Variants in ERCC6L2 observed in about 807,000 individuals in gnomAD.
ERCC6L2 encodes ERCC excision repair 6 like 2, also known as DNA excision repair protein ERCC-6-like 2.
A neutral mutation model predicts 132.0 loss-of-function variants in ERCC6L2; 77 were observed. That is an observed-to-expected ratio of 0.58 (90% CI 0.49 to 0.71). ERCC6L2 has a LOEUF of 0.71. ERCC6L2 is among the 30% of genes least tolerant of loss of function. The pLI is 0.00. For synonymous variants in ERCC6L2, 583 were observed against 632.4 expected (o/e 0.92, Z 1.17); for missense variants, 1,542 against 1,837.6 (o/e 0.84, Z 2.94).
intron 17 of ERCC6L2, 113 bp from the exon 18 acceptor site, chr9:96,004,407 A>AAT: frequency 2.0e-6 from 1 of 502,660 alleles, no homozygotes; most frequent in Non-Finnish European, 3.3e-6. Context: ...TCAGTTGGAG[A>AAT]ATATGATTTA....
chr9:95,922,182 C>T (rs1829897116), intron 7 of ERCC6L2, 123 bp from the exon 8 acceptor site: 1 of 530,030 alleles, frequency 1.9e-6, no homozygotes, highest in Non-Finnish European at 3.3e-6. Context: ...CCATCATTTT[C>T]TTGGAATTTA....
At chr9:95,942,144 G>C (rs1830834033) in intron 12 of ERCC6L2, among the ~76,000 whole-genome samples, 3 of 152,078 alleles carry the variant, frequency 2.0e-5, no homozygotes, top group South Asian at 4.1e-4. Context: ...ACTGTAGAAA[G>C]CTTCCTAGAA....
At chr9:95,956,761 A>T (rs575179272) in intron 13 of ERCC6L2, among the ~76,000 whole-genome samples, 1 of 152,168 alleles carries the variant, frequency 6.6e-6, no homozygotes, top group African/African-American at 2.4e-5. Context: ...TGCCCCCATG[A>T]TTCAGTTACC....
At position 95,907,115 on chromosome 9, in the gene ERCC6L2, A is replaced by G; in HGVS notation, c.632A>G (p.Asn211Ser). The change falls in exon 4 of 19, where the codon AAC becomes AGC. Residue 211 changes from asparagine (N) to serine (S), a missense_variant. By Grantham distance (46) the Asn-to-Ser change is conservative (BLOSUM62 1). This residue lies in a region of ERCC6L2 where 945 missense variants were observed against 1,105.2 expected (regional missense o/e 0.86). Transcript: ENST00000653738. ...LIVAPLSVLY[N>S]WKDELDTWGY... Reference sequence around the variant, plus strand: ...GTTGCTCCTCTTTCTGTCCTCTACAACTGGAAGGATGAATTGGACACCTGG... The same window carrying G: ...GTTGCTCCTCTTTCTGTCCTCTACAGCTGGAAGGATGAATTGGACACCTGG... The G allele has an allele frequency of 1.2e-6, 2 of 1,612,838 alleles. No homozygotes were observed. Among genetic ancestry groups the G allele is most frequent in the Non-Finnish European group, 1.7e-6 (2 of 1,179,554 alleles).
chr9:95,880,041 G>C (rs541622056), intron 1 of ERCC6L2, among the ~76,000 whole-genome samples: 16 of 151,992 alleles, frequency 1.1e-4, no homozygotes, highest in Non-Finnish European at 2.2e-4. Context: ...ATATTTTCTG[G>C]GAAAATAAAA....
At chr9:96,004,793 C>A in intron 18 of ERCC6L2, 92 bp downstream of exon 18, 1 of 782,566 alleles carries the variant, frequency 1.3e-6, no homozygotes, top group Non-Finnish European at 1.8e-6. Flanking sequence ...GAATTATAAC[C>A]ATAACTGACA....
At chr9:95,937,751 G>A (rs1830619641) in intron 11 of ERCC6L2, among the ~76,000 whole-genome samples, 1 of 151,420 alleles carries the variant, frequency 6.6e-6, no homozygotes, top group African/African-American at 2.4e-5. Flanking sequence ...TGCTAGTTTA[G>A]CAACGAATCA....
Position 95,972,765 on chromosome 9 carries a change from G to T in ERCC6L2, c.3014G>T (p.Arg1005Ile), listed in dbSNP as rs1016012748. The stretch of plus-strand genomic sequence containing the variant: ...AGAGCTAGTTCATTGAGGTTTAAGA[G>T]AATAAAAGAAACCAAAAAAGAACTT... The part of the protein sequence containing the change: ...RKRASSLRFK[R>I]IKETKKELHN... The change falls in exon 16 of 19, where the codon AGA (arginine) becomes ATA (isoleucine). Residue 1005 changes from arginine to isoleucine, a missense_variant. Physicochemically the swap from Arg to Ile is moderately conservative, Grantham distance 97. This residue lies in a region of ERCC6L2 where 945 missense variants were observed against 1,105.2 expected (regional missense o/e 0.86). Coordinates refer to ENST00000653738, the MANE Select transcript of ERCC6L2 (RefSeq NM_020207.7). 6.1e-6 allele frequency: 8 copies of T among 1,303,484 alleles called. No individual in the cohort carries two copies. The highest frequency in any genetic ancestry group is 2.3e-5 in the Admixed American group (1 of 43,466). The allele number at this position is 1,303,484 out of a possible 1,614,324, so 80.7% of individuals were successfully genotyped here. A position where few individuals can be genotyped will look rare whatever the true frequency, so the allele number is the denominator to read the frequency against.
intron 4 of ERCC6L2, among the ~76,000 whole-genome samples, chr9:95,908,015 G>GT (rs1829163777): frequency 6.6e-6 from 1 of 152,074 alleles, no homozygotes; most frequent in South Asian, 2.1e-4. Flanking sequence ...CCCCTACAGT[G>GT]TTGTCAGCAG....
chr9:95,975,427 T>C (rs1316753942), intron 16 of ERCC6L2, among the ~76,000 whole-genome samples: 1 of 151,952 alleles, frequency 6.6e-6, no homozygotes, highest in Non-Finnish European at 1.5e-5. Context: ...ATCTTAAATA[T>C]GTAGCTTTGT....
intron 13 of ERCC6L2, among the ~76,000 whole-genome samples, chr9:95,958,714 G>A (rs1831743693): frequency 6.6e-6 from 1 of 151,814 alleles, no homozygotes; most frequent in Admixed American, 6.6e-5. Context: ...AAAATCACAA[G>A]CATTCTCATA....
chr9:95,877,449 A>G (rs756161106), intron 1 of ERCC6L2, among the ~76,000 whole-genome samples: 10 of 151,988 alleles, frequency 6.6e-5, no homozygotes, highest in African/African-American at 1.7e-4. Flanking sequence ...TCTTCTTCCA[A>G]TGCAGTTTTT....
At chr9:95,915,892 G>A in intron 5 of ERCC6L2, 63 bp downstream of exon 5, 1 of 1,443,178 alleles carries the variant, frequency 6.9e-7, no homozygotes, top group Non-Finnish European at 9.3e-7. Flanking sequence ...GGTCTTGTTT[G>A]CTAATCATTA....
At chr9:95,958,137 T>A (rs1310865484) in intron 13 of ERCC6L2, among the ~76,000 whole-genome samples, 1 of 151,190 alleles carries the variant, frequency 6.6e-6, no homozygotes, top group Non-Finnish European at 1.5e-5. Context: ...GTTTGGTTTT[T>A]TGTTCTTGCG....
chr9:96,029,148 CA>C (rs750944818), intron 19 of ERCC6L2, among the ~76,000 whole-genome samples: 3 of 151,664 alleles, frequency 2.0e-5, no homozygotes, highest in Non-Finnish European at 4.4e-5. Context: ...ACTAAAAATA[CA>C]AAAAATTAGC....
downstream of ERCC6L2, chr9:96,021,170 G>C: frequency 2.8e-6 from 1 of 360,804 alleles, no homozygotes; most frequent in South Asian, 2.1e-5. This position sits in a 1 kb window ranked among gnomAD's most constrained non-coding sequence, Gnocchi z 4.7. Context: ...TCCGGGCAGA[G>C]GCGGCTTCGC....
Position 95,972,650 on chromosome 9 carries a change from C to G in ERCC6L2, c.2899C>G (p.Leu967Val). The G allele has an allele frequency of 4.6e-6, 6 of 1,295,326 alleles. No individual in the cohort carries two copies. Among genetic ancestry groups the G allele is most frequent in the Non-Finnish European group, 6.1e-6 (6 of 988,840 alleles). The allele number at this position is 1,295,326 out of a possible 1,614,324, so 80.2% of individuals were successfully genotyped here. The change falls in exon 16 of 19, where the codon CTG (leucine) becomes GTG (valine). Residue 967 changes from leucine to valine, a missense_variant. Leu to Val is a conservative substitution (Grantham distance 32). Transcript: ENST00000653738. ...SKKLSPENTT[L>V]KSILKRKGTS... The stretch of plus-strand genomic sequence containing the variant: ...AAAGTTAAGTCCTGAGAACACAACC[C>G]TGAAATCTATTTTGAAAAGAAAAGG...
At chr9:95,964,246 G>C (rs931457749) in intron 13 of ERCC6L2, among the ~76,000 whole-genome samples, 3 of 152,064 alleles carry the variant, frequency 2.0e-5, no homozygotes, top group Non-Finnish European at 2.9e-5. Flanking sequence ...TTTAGTAATA[G>C]ATTACAACAC....
chr9:95,935,973 A>G (rs73534676), intron 11 of ERCC6L2, among the ~76,000 whole-genome samples: 2,554 of 152,222 alleles, frequency 0.017, 77 homozygotes, highest in African/African-American at 0.059. Context: ...AATAATTTTT[A>G]TGTAATGTGA....
Sources: allele counts gnomAD v4.1 joint callset (sites outside exome capture counted in the v4.1 genomes callset), GRCh38; gene constraint gnomAD v4.1.1; regional missense constraint gnomAD v4.1.1; non-coding constraint Gnocchi (gnomAD v3.1); transcripts MANE v1.5; gene names NCBI Gene and HGNC (gene_info 2026-07-23, HGNC 2026-07-21).